Variants in EML6 observed in about 807,000 individuals in gnomAD.
EML6 encodes echinoderm microtubule-associated protein-like 6.
EML6 carries 154 observed loss-of-function variants against 240.1 expected under a neutral mutation model. That is an observed-to-expected ratio of 0.64 (90% CI 0.56 to 0.73). EML6 has a LOEUF of 0.73. Ranked by LOEUF, EML6 falls within the 30% of genes least tolerant of loss-of-function variation. EML6 has a pLI of 0.00. For missense variants in EML6, 2,964 were observed against 2,474.6 expected (o/e 1.20, Z -4.20); for synonymous variants, 1,148 against 899.0 (o/e 1.28, Z -4.95).
At chr2:54,736,347 G>A (rs1198339493) in intron 2 of EML6, among the ~76,000 whole-genome samples, 3 of 152,110 alleles carry the variant, frequency 2.0e-5, no homozygotes, top group Non-Finnish European at 2.9e-5. Context: ...AAGAGGGAGC[G>A]TGGCATTGTG....
chr2:54,738,629 T>C (rs1336889135), intron 2 of EML6, among the ~76,000 whole-genome samples: 1 of 152,218 alleles, frequency 6.6e-6, no homozygotes, highest in East Asian at 1.9e-4. Context: ...TAGCTTAGTT[T>C]TGCTTAAGGT....
chr2:54,806,226 T>G (rs1670469847), intron 2 of EML6, among the ~76,000 whole-genome samples: 2 of 152,142 alleles, frequency 1.3e-5, no homozygotes. Context: ...CCAAATGGTT[T>G]TTACCAGTTT....
intron 28 of EML6, among the ~76,000 whole-genome samples, chr2:54,937,017 C>T (rs529547696): frequency 1.1e-3 from 163 of 150,038 alleles, no homozygotes; most frequent in African/African-American, 3.8e-3. Context: ...CAGTGGCTCA[C>T]GCCTGTAATC....
intron 2 of EML6, among the ~76,000 whole-genome samples, chr2:54,786,935 G>A (rs1572895164): frequency 6.6e-6 from 1 of 152,154 alleles, no homozygotes; most frequent in Non-Finnish European, 1.5e-5. Context: ...TTTCTCTCGG[G>A]CTTGACTCTT....
chr2:54,909,850 CAAAAAA>C (rs34171697), intron 24 of EML6, among the ~76,000 whole-genome samples: 1 of 68,532 alleles, frequency 1.5e-5, no homozygotes, highest in African/African-American at 5.3e-5. Context: ...GACTCCATCT[CAAAAAA>C]AAAAAAAAAA....
At chr2:54,798,603 A>C (rs1183261632) in intron 2 of EML6, among the ~76,000 whole-genome samples, 1 of 152,180 alleles carries the variant, frequency 6.6e-6, no homozygotes, top group African/African-American at 2.4e-5. Context: ...ACCGGTACCT[A>C]CAAATTGATT....
intron 17 of EML6, among the ~76,000 whole-genome samples, chr2:54,885,062 C>T (rs10865284): frequency 0.25 from 37,350 of 152,072 alleles, 5,281 homozygotes; most frequent in East Asian, 0.54. Context: ...GAGGCTGAGG[C>T]ATGAGACTCA....
At position 54,803,747 on chromosome 2, in the gene EML6, C is replaced by T. The variant is rs578034768; in HGVS notation, c.198-9485C>T. Among the ~76,000 whole-genome samples the T allele has an allele frequency of 3.0e-4, 45 of 152,204 alleles. 1 individual carries two copies. The highest frequency in any genetic ancestry group is 1.0e-3 in the South Asian group (5 of 4,814). On this transcript the variant is annotated intron_variant, in intron 2 of 41. Transcript: ENST00000356458. ...AGTGGCCAGTTTTGTTTTTAAGTGA[C>T]GAGCCACATGGAGAAAATACTTCCA...
intron 9 of EML6, 132 bp downstream of exon 9, chr2:54,847,755 ACGATCC>A: frequency 8.8e-6 from 7 of 791,086 alleles, no homozygotes; most frequent in Admixed American, 4.3e-5. Flanking sequence ...CTATAGATCT[ACGATCC>A]CCTATCTGTA....
intron 24 of EML6, among the ~76,000 whole-genome samples, chr2:54,908,931 C>T (rs1662850600): frequency 6.6e-6 from 1 of 152,184 alleles, no homozygotes; most frequent in African/African-American, 2.4e-5. Flanking sequence ...AGATAGGGGA[C>T]CCTACAAGCT....
chr2:54,826,013 T>A (rs1259980853), intron 5 of EML6, among the ~76,000 whole-genome samples: 1 of 152,254 alleles, frequency 6.6e-6, no homozygotes, highest in Admixed American at 6.5e-5. Context: ...AACTTAGTTC[T>A]CTACCTTTGA....
Position 54,954,168 on chromosome 2 carries a change from C to G in EML6, c.4486+12C>G. ...GCGATGGCAGGAAGGTAAACCAGCA[C>G]TGGGCTTTCTGTCCCTCCAGGGTGT... On this transcript the variant is annotated intron_variant, in intron 32 of 41. Transcript: ENST00000356458. The G allele has an allele frequency of 2.6e-6, 4 of 1,548,594 alleles. No homozygotes were observed. In the South Asian group the frequency reaches 3.6e-5, roughly 14 times the overall value.
chr2:54,867,694 G>A (rs1671043624), intron 14 of EML6: 1 of 152,252 alleles, frequency 6.6e-6, no homozygotes, highest in Admixed American at 6.5e-5. Context: ...AGGCTGCAGT[G>A]AGCTGTGATC....
At chr2:54,819,962 C>T (rs1668255906) in intron 4 of EML6, among the ~76,000 whole-genome samples, 1 of 152,028 alleles carries the variant, frequency 6.6e-6, no homozygotes, top group South Asian at 2.1e-4. Flanking sequence ...AGACTGTTGG[C>T]CGCATTAAAT....
chr2:54,841,337 T>C (rs55851760), intron 7 of EML6, among the ~76,000 whole-genome samples: 10,972 of 152,280 alleles, frequency 0.072, 575 homozygotes, highest in East Asian at 0.32. Context: ...GCCTGTGTGC[T>C]TTTTCCCACC....
At chr2:54,969,998 A>C in intron 41 of EML6, 73 bp from the exon 42 acceptor site, 2 of 1,502,584 alleles carry the variant, frequency 1.3e-6, no homozygotes, top group African/African-American at 1.4e-5. Context: ...GCACTTGGCA[A>C]GATTGTTTTT....
intron 13 of EML6, among the ~76,000 whole-genome samples, chr2:54,864,233 A>C (rs1670843075): frequency 6.6e-6 from 1 of 152,204 alleles, no homozygotes; most frequent in African/African-American, 2.4e-5. Flanking sequence ...AGATTATGAA[A>C]GCATGTGTTT....
intron 16 of EML6, among the ~76,000 whole-genome samples, chr2:54,876,251 A>T (rs1000313441): frequency 1.6e-4 from 25 of 152,248 alleles, no homozygotes; most frequent in African/African-American, 6.0e-4. Context: ...ACTGGGAAAG[A>T]GTAAAAAGGT....
At chr2:54,877,203 C>T (rs1009529069) in intron 16 of EML6, among the ~76,000 whole-genome samples, 10 of 152,014 alleles carry the variant, frequency 6.6e-5, no homozygotes, top group Admixed American at 6.6e-5. Context: ...AGGCTGATCA[C>T]CAACTCCTGG....
Sources: gnomAD v4.1 joint callset for allele counts (sites outside exome capture counted in the v4.1 genomes callset) on GRCh38, gnomAD v4.1.1 for gene constraint, MANE v1.5 for transcripts, NCBI Gene and HGNC (gene_info 2026-07-23, HGNC 2026-07-21) for gene names.